The following LIPC variants were observed in gnomAD, a reference collection of about 807,000 sequenced individuals.
LIPC encodes the protein lipase C, hepatic type.
In LIPC, 44 loss-of-function variants were observed where a neutral mutation model predicts 50.7. The observed-to-expected ratio is 0.87, with a 90% CI of 0.68 to 1.11. LIPC has a LOEUF of 1.11. Ranked by LOEUF, LIPC falls within the 50% of genes most tolerant of loss-of-function variation. The pLI, the probability that LIPC is intolerant of heterozygous loss-of-function variation, is 0.00. For synonymous variants in LIPC, 271 were observed against 256.4 expected (o/e 1.06, Z -0.54); for missense variants, 697 against 648.2 (o/e 1.08, Z -0.82).
intron 1 of LIPC, chr15:58,456,439 A>G (rs1595863963): frequency 6.6e-6 from 1 of 152,340 alleles, no homozygotes; most frequent in Non-Finnish European, 1.5e-5. Context: ...ATGGGGAAAA[A>G]TAAGCTTTTC....
At chr15:58,547,869 T>C (rs1338516907) in intron 5 of LIPC, among the ~76,000 whole-genome samples, 1 of 152,008 alleles carries the variant, frequency 6.6e-6, no homozygotes, top group Admixed American at 6.6e-5. Context: ...GTCTCGTGTA[T>C]CTAGTTATAT....
chr15:58,436,401 T>G (rs1893296814), intron 1 of LIPC: 1 of 239,652 alleles, frequency 4.2e-6, no homozygotes, highest in Non-Finnish European at 8.4e-6. Context: ...AACAATGAGT[T>G]GTAACATCTT....
At chr15:58,549,548 T>A (rs529219195) in intron 6 of LIPC, among the ~76,000 whole-genome samples, 13 of 152,254 alleles carry the variant, frequency 8.5e-5, no homozygotes, top group African/African-American at 3.1e-4. Context: ...AAAGCAAAAC[T>A]CGCGTGGGGT....
intron 1 of LIPC, among the ~76,000 whole-genome samples, chr15:58,439,633 G>A (rs1470877052): frequency 2.0e-5 from 3 of 152,148 alleles, no homozygotes; most frequent in African/African-American, 7.2e-5. Flanking sequence ...TAGTAGAGAT[G>A]GGGTTTCACC....
chr15:58,534,392 A>G (rs1440620711), intron 1 of LIPC, among the ~76,000 whole-genome samples: 2 of 152,224 alleles, frequency 1.3e-5, no homozygotes, highest in Non-Finnish European at 2.9e-5. Flanking sequence ...ATGGAGGCTC[A>G]GACCCCTGGG....
At chr15:58,452,078 G>A (rs186099086) in intron 1 of LIPC, among the ~76,000 whole-genome samples, 4 of 152,254 alleles carry the variant, frequency 2.6e-5, no homozygotes, top group African/African-American at 4.8e-5. Flanking sequence ...TAGGATGCTC[G>A]GGGCCCTATT....
chr15:58,551,269 A>G (rs1023705641), intron 6 of LIPC, among the ~76,000 whole-genome samples: 1 of 152,176 alleles, frequency 6.6e-6, no homozygotes, highest in Non-Finnish European at 1.5e-5. Context: ...GGTCACATCA[A>G]GCCACCCTGG....
intron 1 of LIPC, among the ~76,000 whole-genome samples, chr15:58,468,835 A>G (rs1294880315): frequency 6.6e-6 from 1 of 152,164 alleles, no homozygotes; most frequent in Non-Finnish European, 1.5e-5. Flanking sequence ...TTAAGGGTTT[A>G]TGTGTTTAAC....
At chr15:58,450,771 T>G (rs1187809081) in intron 1 of LIPC, among the ~76,000 whole-genome samples, 1 of 152,074 alleles carries the variant, frequency 6.6e-6, no homozygotes, top group African/African-American at 2.4e-5. Context: ...TAGTAAGAAA[T>G]GCCTGGTATT....
chr15:58,489,121 C>A (rs780130252), intron 1 of LIPC, among the ~76,000 whole-genome samples: 3 of 150,406 alleles, frequency 2.0e-5, no homozygotes, highest in Non-Finnish European at 4.4e-5. Flanking sequence ...AGATGGTTGC[C>A]TCCATGGTAG....
Position 58,568,732 on chromosome 15 carries a change from G to C in LIPC, c.1405G>C (p.Glu469Gln). Residue 469 changes from glutamate to glutamine, a missense_variant, in exon 9 of 9, where the codon GAA (glutamate) becomes CAA (glutamine). Transcript: ENST00000299022. ...TCTATTCAGAATGACATTTTGTTCA[G>C]AAAACACAGATGACCTACTACTTCG... ...ETQQRMTFCS[E>Q]NTDDLLLRPT... The C allele has an allele frequency of 1.2e-6, 2 of 1,605,228 alleles. No homozygotes were observed. Among genetic ancestry groups the C allele is most frequent in the Non-Finnish European group, 1.7e-6 (2 of 1,172,446 alleles).
intron 1 of LIPC, among the ~76,000 whole-genome samples, chr15:58,503,797 C>T (rs1191565559): frequency 6.6e-6 from 1 of 152,164 alleles, no homozygotes; most frequent in Non-Finnish European, 1.5e-5. Context: ...ACAGCAGTGG[C>T]AGAAACCAAG....
At chr15:58,511,868 A>T (rs1233865388) in intron 1 of LIPC, among the ~76,000 whole-genome samples, 1 of 152,206 alleles carries the variant, frequency 6.6e-6, no homozygotes, top group Non-Finnish European at 1.5e-5. Context: ...CTCTCTTGCC[A>T]ATTATTGATG....
chr15:58,508,317 G>A (rs1288685844), intron 1 of LIPC, among the ~76,000 whole-genome samples: 2 of 152,042 alleles, frequency 1.3e-5, no homozygotes, highest in Non-Finnish European at 2.9e-5. Flanking sequence ...ATATTTTGGG[G>A]TAACAGTTGC....
intron 1 of LIPC, among the ~76,000 whole-genome samples, chr15:58,470,597 C>CTTTTTTTTTTTT (rs5812936): frequency 6.6e-5 from 9 of 136,316 alleles, no homozygotes; most frequent in African/African-American, 2.2e-4. Context: ...CATTTAACTC[C>CTTTTTTTTTTTT]TTTTTTTTTT....
At chr15:58,559,980 T>C (rs190644212) in intron 6 of LIPC, among the ~76,000 whole-genome samples, 89 of 152,370 alleles carry the variant, frequency 5.8e-4, no homozygotes, top group African/African-American at 2.0e-3. Flanking sequence ...CACTTTCATC[T>C]ATCTGAGCTC....
At chr15:58,456,591 A>G (rs889902186) in intron 1 of LIPC, among the ~76,000 whole-genome samples, 13 of 152,184 alleles carry the variant, frequency 8.5e-5, no homozygotes, top group African/African-American at 3.1e-4. Flanking sequence ...CCCTCCTAGG[A>G]GGACTGCAGG....
At chr15:58,568,324 G>A (rs1157515295) in intron 8 of LIPC, among the ~76,000 whole-genome samples, 1 of 152,216 alleles carries the variant, frequency 6.6e-6, no homozygotes, top group Non-Finnish European at 1.5e-5. Context: ...GAAGGCTGAG[G>A]AGGTAAGCTT....
intron 1 of LIPC, among the ~76,000 whole-genome samples, chr15:58,484,688 ACT>A (rs1219045747): frequency 1.3e-5 from 2 of 152,106 alleles, no homozygotes; most frequent in African/African-American, 4.8e-5. Flanking sequence ...GAGCCCACAC[ACT>A]CTGACTCCAG....
Sources: gnomAD v4.1 joint callset for allele counts (sites outside exome capture counted in the v4.1 genomes callset) on GRCh38, gnomAD v4.1.1 for gene constraint, MANE v1.5 for transcripts, NCBI Gene and HGNC (gene_info 2026-07-23, HGNC 2026-07-21) for gene names.